KCNH7: variants seen among roughly 807,000 people sequenced by gnomAD.
KCNH7 encodes voltage-gated inwardly rectifying potassium channel KCNH7.
A neutral mutation model predicts 120.8 loss-of-function variants in KCNH7; 49 were observed. That is an observed-to-expected ratio of 0.41 (90% CI 0.32 to 0.51). KCNH7 has a LOEUF of 0.51. Ranked by LOEUF, KCNH7 falls within the 20% of genes least tolerant of loss-of-function variation. The pLI is 0.38. For synonymous variants in KCNH7, 547 were observed against 516.1 expected (o/e 1.06, Z -0.81); for missense variants, 1,097 against 1,446.6 (o/e 0.76, Z 3.92).
At chr2:162,618,766 T>C (rs1029741975) in intron 2 of KCNH7, among the ~76,000 whole-genome samples, 5 of 152,166 alleles carry the variant, frequency 3.3e-5, no homozygotes, top group African/African-American at 1.2e-4. Context: ...ATTTTCGATA[T>C]ACACTAGAGA....
chr2:162,446,530 A>G (rs1311488321), intron 6 of KCNH7, 87 bp from the exon 7 acceptor site: 9 of 946,892 alleles, frequency 9.5e-6, no homozygotes, highest in Admixed American at 5.8e-5. Context: ...AACTAATTAT[A>G]CAGTAAAATT....
intron 6 of KCNH7, among the ~76,000 whole-genome samples, chr2:162,457,009 A>C (rs182486274): frequency 6.6e-6 from 1 of 152,190 alleles, no homozygotes; most frequent in Non-Finnish European, 1.5e-5. Flanking sequence ...TGAATTGGTC[A>C]ATTTTAATTT....
chr2:162,754,120 C>A (rs1688706205), intron 2 of KCNH7, among the ~76,000 whole-genome samples: 2 of 151,936 alleles, frequency 1.3e-5, no homozygotes, highest in African/African-American at 4.8e-5. Flanking sequence ...TTAGAAATAG[C>A]CTTTTATTTC....
At position 162,525,051 on chromosome 2, in the gene KCNH7, C is replaced by A. The variant is rs138763305; in HGVS notation, c.464-6893G>T. Among the ~76,000 whole-genome samples the A allele has an allele frequency of 3.5e-3, 536 of 151,974 alleles. 3 individuals carry two copies. The highest frequency in any genetic ancestry group is 0.013 in the African/African-American group (521 of 41,498). On this transcript the variant is annotated intron_variant, in intron 3 of 15. Coordinates refer to ENST00000332142, the MANE Select transcript of KCNH7 (RefSeq NM_033272.4). ...TGGTGTCAGTGATAACAAAAGATCACCAGGGAGTCCACTGACCTAGTAAAC... is the reference window on the plus strand; with the variant it reads ...TGGTGTCAGTGATAACAAAAGATCAACAGGGAGTCCACTGACCTAGTAAAC...
chr2:162,618,247 T>A (rs942578267), intron 2 of KCNH7, among the ~76,000 whole-genome samples: 6 of 152,028 alleles, frequency 3.9e-5, no homozygotes, highest in African/African-American at 1.4e-4. Context: ...CTCTTCTTAT[T>A]TAGTCTCAGG....
At chr2:162,490,424 T>C (rs1690255011) in intron 6 of KCNH7, among the ~76,000 whole-genome samples, 2 of 152,236 alleles carry the variant, frequency 1.3e-5, no homozygotes, top group African/African-American at 4.8e-5. Context: ...CACTCACTCT[T>C]CAAGCCTCCG....
chr2:162,626,453 G>T (rs577889139), intron 2 of KCNH7, among the ~76,000 whole-genome samples: 1 of 152,088 alleles, frequency 6.6e-6, no homozygotes, highest in Non-Finnish European at 1.5e-5. Flanking sequence ...GAGAAAACTG[G>T]AATTCTGAAA....
At chr2:162,722,299 T>A (rs1687347050) in intron 2 of KCNH7, among the ~76,000 whole-genome samples, 1 of 151,998 alleles carries the variant, frequency 6.6e-6, no homozygotes, top group African/African-American at 2.4e-5. Context: ...AACAATGTAA[T>A]GTGAAATGCA....
At chr2:162,505,946 C>T (rs1459173302) in intron 5 of KCNH7, among the ~76,000 whole-genome samples, 1 of 151,832 alleles carries the variant, frequency 6.6e-6, no homozygotes, top group Non-Finnish European at 1.5e-5. Context: ...ACTAAGAAAT[C>T]AATGCTCATC....
At chr2:162,652,323 G>C (rs1684593238) in intron 2 of KCNH7, among the ~76,000 whole-genome samples, 3 of 152,100 alleles carry the variant, frequency 2.0e-5, no homozygotes, top group Admixed American at 2.0e-4. Flanking sequence ...AGACTTTTAT[G>C]ATGATTACAT....
chr2:162,464,619 T>C (rs895936151), intron 6 of KCNH7, among the ~76,000 whole-genome samples: 1 of 152,072 alleles, frequency 6.6e-6, no homozygotes, highest in Non-Finnish European at 1.5e-5. Flanking sequence ...AGATAAAATA[T>C]GCCAGTTTTG....
At chr2:162,666,037 A>C (rs1685122106) in intron 2 of KCNH7, among the ~76,000 whole-genome samples, 1 of 152,184 alleles carries the variant, frequency 6.6e-6, no homozygotes, top group South Asian at 2.1e-4. Context: ...ATTTTAGTGT[A>C]GATTAAGAGA....
chr2:162,484,475 T>C (rs961783385), intron 6 of KCNH7, among the ~76,000 whole-genome samples: 1 of 152,064 alleles, frequency 6.6e-6, no homozygotes, highest in Admixed American at 6.6e-5. Context: ...TCCTCCAAAA[T>C]TGCTACAATA....
chr2:162,703,379 C>A (rs1686583240), intron 2 of KCNH7, among the ~76,000 whole-genome samples: 1 of 152,098 alleles, frequency 6.6e-6, no homozygotes, highest in Non-Finnish European at 1.5e-5. Context: ...GGTATAATAA[C>A]ACTCATGTCT....
chr2:162,594,547 A>G (rs559039478), intron 2 of KCNH7, among the ~76,000 whole-genome samples: 1 of 151,428 alleles, frequency 6.6e-6, no homozygotes, highest in Admixed American at 6.6e-5. Flanking sequence ...GAATAAAGAT[A>G]TAACAGTCAT....
chr2:162,653,410 A>G (rs1252909446), intron 2 of KCNH7, among the ~76,000 whole-genome samples: 1 of 152,178 alleles, frequency 6.6e-6, no homozygotes, highest in Non-Finnish European at 1.5e-5. Context: ...ACATACAAAA[A>G]TCAGTAGCAG....
intron 8 of KCNH7, among the ~76,000 whole-genome samples, chr2:162,433,377 T>C (rs1688134016): frequency 6.6e-6 from 1 of 152,042 alleles, no homozygotes; most frequent in African/African-American, 2.4e-5. Context: ...GACTTCAAAC[T>C]ATACTATAAG....
intron 9 of KCNH7, among the ~76,000 whole-genome samples, chr2:162,416,755 C>G (rs1314354907): frequency 6.6e-6 from 1 of 151,838 alleles, no homozygotes; most frequent in Non-Finnish European, 1.5e-5. Flanking sequence ...GAGGTGATGC[C>G]CCCTACCCAA....
intron 2 of KCNH7, among the ~76,000 whole-genome samples, chr2:162,776,601 G>C (rs932059604): frequency 1.3e-5 from 2 of 152,072 alleles, no homozygotes. Context: ...TTGGGAGAGG[G>C]AAGAGAGGAA....
Sources: gnomAD v4.1 joint callset for allele counts (sites outside exome capture counted in the v4.1 genomes callset) on GRCh38, gnomAD v4.1.1 for gene constraint, MANE v1.5 for transcripts, NCBI Gene and HGNC (gene_info 2026-07-23, HGNC 2026-07-21) for gene names.